The following SLC13A4 variants were observed in gnomAD, a reference collection of about 807,000 sequenced individuals.
SLC13A4 encodes the protein solute carrier family 13 member 4, also known as Na(+)/sulfate cotransporter SUT-1.
SLC13A4 carries 28 observed loss-of-function variants against 72.7 expected under a neutral mutation model. The ratio of observed to expected loss-of-function variants is 0.39; its 90% confidence interval spans 0.29 to 0.53. The LOEUF is 0.53. SLC13A4 is among the 20% of genes least tolerant of loss of function. The pLI is 0.78. For missense variants in SLC13A4, 653 were observed against 788.0 expected, an observed-to-expected ratio of 0.83 and a Z score of 2.05; for synonymous variants, 312 against 325.5, an observed-to-expected ratio of 0.96 and a Z score of 0.45.
chr7:135,684,073 C>T lies in SLC13A4; in HGVS notation c.1746+51G>A, dbSNP rs114642833. On this transcript the variant is annotated intron_variant, in intron 15 of 15. Coordinates refer to ENST00000682651, the MANE Select transcript of SLC13A4 (RefSeq NM_001318192.2). ...TGAAAGAAGGCTGCAGAGCTGTCATCCCTGTCCTCATGGCAGCTGGGCCTG... is the reference window on the plus strand; with the variant it reads ...TGAAAGAAGGCTGCAGAGCTGTCATTCCTGTCCTCATGGCAGCTGGGCCTG... 2,363 of 1,543,750 alleles carry T rather than the reference C, an allele frequency of 1.5e-3. 42 individuals are homozygous for T. The African/African-American group carries it at 0.028, about 18-fold the overall frequency.
At chr7:135,695,328 G>C (rs200922150) in intron 9 of SLC13A4, 40 bp downstream of exon 9, 4 of 1,611,876 alleles carry the variant, frequency 2.5e-6, no homozygotes, top group Admixed American at 1.7e-5. Context: ...GGATCAACAG[G>C]GGGGCTTCAG....
intron 2 of SLC13A4, among the ~76,000 whole-genome samples, chr7:135,708,556 G>T (rs1796222482): frequency 6.6e-6 from 1 of 152,044 alleles, no homozygotes; most frequent in Admixed American, 6.5e-5. Context: ...ATTTAAATAT[G>T]ATGTGAATAT....
chr7:135,709,211 A>G (rs1796241899), intron 2 of SLC13A4, among the ~76,000 whole-genome samples: 1 of 151,936 alleles, frequency 6.6e-6, no homozygotes, highest in East Asian at 1.9e-4. Flanking sequence ...GATCAGAAGC[A>G]TGAGCCAGCG....
At chr7:135,715,583 T>C (rs3110808) in intron 2 of SLC13A4, among the ~76,000 whole-genome samples, 46,000 of 151,910 alleles carry the variant, frequency 0.3, 7,432 homozygotes, top group Admixed American at 0.38. Flanking sequence ...TGCAATTACT[T>C]CCTGAAGTAC....
chr7:135,691,449 G>A, intron 12 of SLC13A4, 99 bp downstream of exon 12: 5 of 534,384 alleles, frequency 9.4e-6, no homozygotes, highest in Non-Finnish European at 1.5e-5. Flanking sequence ...CGGGAGGGGG[G>A]TGGGAATCTG....
intron 2 of SLC13A4, among the ~76,000 whole-genome samples, chr7:135,719,780 C>CGTGTGTGTGTGTGT (rs535749594): frequency 7.2e-6 from 1 of 138,634 alleles, no homozygotes; most frequent in African/African-American, 2.8e-5. Flanking sequence ...CTCAATGCCA[C>CGTGTGTGTGTGTGT]ATGTGTGTGT....
At chr7:135,685,419 C>T (rs1795597632) in intron 14 of SLC13A4, 103 bp downstream of exon 14, 3 of 994,016 alleles carry the variant, frequency 3.0e-6, no homozygotes, top group East Asian at 4.8e-5. Context: ...TGGGCAGTAA[C>T]CAGAGGAGAG....
At chr7:135,683,840 C>T in intron 15 of SLC13A4, 2 of 944,530 alleles carry the variant, frequency 2.1e-6, no homozygotes, top group South Asian at 9.8e-5. Context: ...TTTGCACAGG[C>T]TCATGCCTTC....
chr7:135,727,310 C>G lies in SLC13A4; in HGVS notation c.99+88G>C, dbSNP rs985715869. ...CACCACAAGCCACTTTGAGGGACTGCCTGAGCGCCCCATGTTCCCCTACCG... is the reference window on the plus strand; with the variant it reads ...CACCACAAGCCACTTTGAGGGACTGGCTGAGCGCCCCATGTTCCCCTACCG... On this transcript the variant is annotated intron_variant, in intron 1 of 15. Coordinates refer to ENST00000682651, the MANE Select transcript of SLC13A4 (RefSeq NM_001318192.2). 7.4e-6 allele frequency: 11 copies of G among 1,490,868 alleles called. No individual in the cohort carries two copies. In the African/African-American group the frequency reaches 1.3e-4, roughly 17 times the overall value. 92.4% of individuals were successfully genotyped at this position (1,490,868 alleles called of 1,614,324 possible).
intron 7 of SLC13A4, 141 bp downstream of exon 7, chr7:135,701,539 G>T (rs774299121): frequency 3.7e-6 from 3 of 805,694 alleles, no homozygotes; most frequent in Non-Finnish European, 6.2e-6. Flanking sequence ...GGCGCACACA[G>T]GCCAGACATG....
intron 1 of SLC13A4, among the ~76,000 whole-genome samples, chr7:135,725,515 G>C (rs1267297621): frequency 6.6e-6 from 1 of 152,106 alleles, no homozygotes; most frequent in Non-Finnish European, 1.5e-5. Flanking sequence ...AAAGGGGGAA[G>C]GTCATTTTGA....
At position 135,721,301 on chromosome 7, in the gene SLC13A4, C is replaced by T. The variant is rs529663625; in HGVS notation, c.228+94G>A. 18 of 1,466,086 alleles carry T rather than the reference C, an allele frequency of 1.2e-5. No homozygotes were observed. The South Asian group carries it at 1.2e-4, about 10-fold the overall frequency. 90.8% of individuals were successfully genotyped at this position (1,466,086 alleles called of 1,614,324 possible). ...CCAGTGGGTGACAAGGCCCCCTCAT[C>T]GTCAAGTGCTGGGTGAATCTCCCTT... is the stretch of plus-strand genomic sequence containing the variant. On this transcript the variant is annotated intron_variant, in intron 2 of 15. Transcript: ENST00000682651.
In SLC13A4 at chr7:135,716,327, TGGAGCCTAGCTCTGTC is replaced by T. The variant is rs1796434320; in HGVS notation, c.228+5052_228+5067del. On this transcript the variant is annotated intron_variant, in intron 2 of 15. Coordinates refer to ENST00000682651, the MANE Select transcript of SLC13A4 (RefSeq NM_001318192.2). ...TAAAATTAAAAAAAATTTTTTTAGA[TGGAGCCTAGCTCTGTC>T]ATCCAGGCTGGAGTGCAGTGGCATG... 2.0e-5 allele frequency among the ~76,000 whole-genome samples: 3 copies of T among 152,200 alleles called. No individual in the cohort carries two copies. In the South Asian group the frequency reaches 6.2e-4, roughly 31 times the overall value.
chr7:135,722,053 C>A (rs1796560438), intron 1 of SLC13A4, among the ~76,000 whole-genome samples: 1 of 152,070 alleles, frequency 6.6e-6, no homozygotes, highest in Non-Finnish European at 1.5e-5. Flanking sequence ...CCAGCCTGGG[C>A]AATATATAGC....
chr7:135,711,963 ATTTTTTTTTTTTTTTTTTTTTTTT>A (rs529940903), intron 2 of SLC13A4, among the ~76,000 whole-genome samples: 650 of 46,918 alleles, frequency 0.014, 19 homozygotes, highest in Middle Eastern at 0.11. Context: ...ATGTTTTTGG[ATTTTTTTTTTTTTTTTTTTTTTTT>A]TTTTTTTTTT....
At chr7:135,690,514 C>T (rs971628449) in intron 13 of SLC13A4, among the ~76,000 whole-genome samples, 1 of 152,138 alleles carries the variant, frequency 6.6e-6, no homozygotes. Flanking sequence ...TTACAGAGAT[C>T]GCCTATTACC....
chr7:135,722,755 C>T (rs1796574888), intron 1 of SLC13A4, among the ~76,000 whole-genome samples: 2 of 152,102 alleles, frequency 1.3e-5, no homozygotes, highest in Admixed American at 1.3e-4. Context: ...AATTTTGGAT[C>T]TGAGGTCCTA....
intron 2 of SLC13A4, among the ~76,000 whole-genome samples, chr7:135,715,180 G>T (rs1221833276): frequency 6.7e-6 from 1 of 150,228 alleles, no homozygotes; most frequent in Non-Finnish European, 1.5e-5. Flanking sequence ...TGTGTATATG[G>T]GTATATAAGT....
At chr7:135,692,613 T>C in intron 10 of SLC13A4, 189 bp from the exon 11 acceptor site, 1 of 568,204 alleles carries the variant, frequency 1.8e-6, no homozygotes, top group African/African-American at 1.9e-5. Flanking sequence ...AAACATGACA[T>C]TAACCATGTT....
Sources: gnomAD v4.1 joint callset for allele counts (sites outside exome capture counted in the v4.1 genomes callset) on GRCh38, gnomAD v4.1.1 for gene constraint, MANE v1.5 for transcripts, NCBI Gene and HGNC (gene_info 2026-07-23, HGNC 2026-07-21) for gene names.